Variants in MSTO1 observed in about 807,000 individuals in gnomAD.
The protein encoded by MSTO1 is misato mitochondrial distribution and morphology regulator 1, also known as protein misato homolog 1.
MSTO1 carries 24 observed loss-of-function variants against 55.7 expected under a neutral mutation model. That is an observed-to-expected ratio of 0.43 (90% confidence interval 0.31 to 0.61). The LOEUF (loss-of-function observed/expected upper bound fraction) is 0.61, where lower values mean the gene tolerates loss of function less well. Among genes scored for constraint, MSTO1 ranks in the 20% least tolerant of loss-of-function variants. The pLI is 0.09. For synonymous variants in MSTO1, 162 were observed against 252.8 expected, an observed-to-expected ratio of 0.64 and a Z score of 3.41; for missense variants, 363 against 625.7, an observed-to-expected ratio of 0.58 and a Z score of 4.48.
At chr1:155,603,567 G>T in the MSTO1 span, among the ~76,000 whole-genome samples, 10 of 151,906 alleles carry the variant, frequency 6.6e-5, no homozygotes, top group African/African-American at 2.4e-4. Context: ...TTTTAAAGAT[G>T]AAGTCCCAGA....
At chr1:155,609,942 C>A (rs577181363), upstream of MSTO1, 32 of 434,762 alleles carry the variant, frequency 7.4e-5, 1 homozygote, top group Admixed American at 1.2e-3. Context: ...GAGCCTTCCA[C>A]GGCCCGCGCC....
At chr1:155,577,770 G>A in the MSTO1 span, among the ~76,000 whole-genome samples, 2 of 152,088 alleles carry the variant, frequency 1.3e-5, no homozygotes, top group African/African-American at 4.8e-5. Flanking sequence ...TTAAGACAGG[G>A]TCTCACTGTG....
chr1:155,578,809 C>T, the MSTO1 span, among the ~76,000 whole-genome samples: 2 of 150,306 alleles, frequency 1.3e-5, no homozygotes, highest in African/African-American at 4.9e-5. Flanking sequence ...CGCGCCCGGC[C>T]CTGTGTGGTT....
At chr1:155,573,753 G>A in the MSTO1 span, among the ~76,000 whole-genome samples, 1 of 150,694 alleles carries the variant, frequency 6.6e-6, no homozygotes, top group Non-Finnish European at 1.5e-5. Context: ...CAGGAGACTT[G>A]CTTGAAACCA....
chr1:155,571,248 C>T, the MSTO1 span, among the ~76,000 whole-genome samples: 10 of 152,246 alleles, frequency 6.6e-5, no homozygotes, highest in South Asian at 4.1e-4. Flanking sequence ...CAACCCAGGA[C>T]GGCTTTGAAT....
At chr1:155,610,015 A>G (rs1673474492), upstream of MSTO1, 4 of 549,486 alleles carry the variant, frequency 7.3e-6, no homozygotes, top group Non-Finnish European at 1.3e-5. Context: ...AGCAGGAGCA[A>G]CGGCGTGGCC....
chr1:155,578,830 T>G, the MSTO1 span, among the ~76,000 whole-genome samples: 150 of 144,790 alleles, frequency 1.0e-3, no homozygotes, highest in African/African-American at 3.6e-3. Flanking sequence ...TTTTTTTTGT[T>G]TTTTTTTTTT....
chr1:155,591,126 C>T, the MSTO1 span: 5 of 1,613,544 alleles, frequency 3.1e-6, no homozygotes, highest in South Asian at 1.1e-5. Context: ...GGCCCTCCCA[C>T]ACCACCTGGC....
the MSTO1 span, among the ~76,000 whole-genome samples, chr1:155,577,391 C>G: frequency 2.0e-5 from 3 of 152,066 alleles, no homozygotes; most frequent in Non-Finnish European, 4.4e-5. Flanking sequence ...CCCGGCCGCC[C>G]CCTCCAAGTT....
In MSTO1 at chr1:155,613,652, C is replaced by T; in HGVS notation, c.1389-5C>T. ...GCACTTAATGGCTGTTCTCTGCCCC[C>T]ACAGTTCTTCCCATCTGCTGCTGAC... On this transcript the variant is annotated splice_polypyrimidine_tract_variant and splice_region_variant and intron_variant, in intron 12 of 13. Coordinates refer to ENST00000245564, the MANE Select transcript of MSTO1 (RefSeq NM_018116.4). The T allele has an allele frequency of 6.3e-7, 1 of 1,588,052 alleles. No homozygotes were observed. Among genetic ancestry groups the T allele is most frequent in the Non-Finnish European group, 8.6e-7 (1 of 1,159,758 alleles).
At chr1:155,580,295 GCAGGACGATCCCTTGTGCC>G in the MSTO1 span, among the ~76,000 whole-genome samples, 2 of 151,522 alleles carry the variant, frequency 1.3e-5, no homozygotes, top group African/African-American at 4.8e-5. Flanking sequence ...GGAGATGGAG[GCAGGACGATCCCTTGTGCC>G]CAGGAGTTTG....
the MSTO1 span, among the ~76,000 whole-genome samples, chr1:155,597,445 G>A: frequency 1.3e-5 from 2 of 151,954 alleles, no homozygotes; most frequent in Non-Finnish European, 2.9e-5. Context: ...CTCCAGCCTG[G>A]GCAACAAGAG....
upstream of MSTO1, among the ~76,000 whole-genome samples, chr1:155,609,155 A>C (rs915199684): frequency 1.3e-4 from 20 of 148,412 alleles, no homozygotes; most frequent in African/African-American, 4.0e-4. Flanking sequence ...ACACACAAGA[A>C]TGTTAATCAT....
the MSTO1 span, chr1:155,563,476 G>T: frequency 2.2e-6 from 1 of 456,668 alleles, no homozygotes; most frequent in Non-Finnish European, 4.4e-6. Context: ...CCTGGGACCC[G>T]AGGAAGATCG....
At chr1:155,578,336 C>CTTCTTTTTTTT in the MSTO1 span, among the ~76,000 whole-genome samples, 1 of 44,282 alleles carries the variant, frequency 2.3e-5, no homozygotes, top group Non-Finnish European at 3.6e-5. Flanking sequence ...AACTACCTTT[C>CTTCTTTTTTTT]TTTTTTTTTT....
In MSTO1 at chr1:155,612,075, A is replaced by T. The variant is rs748305427; in HGVS notation, c.653A>T (p.Tyr218Phe). ...QEELEDRLHF[Y>F]VEECDYLQGF... ...GAGCTGGAGGACAGGCTGCATTTCTACGTGGAGGAATGTGACTACTTGCAG... is the reference window on the plus strand; with the variant it reads ...GAGCTGGAGGACAGGCTGCATTTCTTCGTGGAGGAATGTGACTACTTGCAG... The change falls in exon 7 of 14, where the codon TAC (tyrosine) becomes TTC (phenylalanine). Residue 218 changes from tyrosine to phenylalanine, a missense_variant. This residue lies in a region of MSTO1 where 94 missense variants were observed against 212.4 expected (regional missense o/e 0.44). Coordinates refer to ENST00000245564, the MANE Select transcript of MSTO1 (RefSeq NM_018116.4). 1.8e-5 allele frequency: 29 copies of T among 1,609,720 alleles called. No homozygotes were observed. Among genetic ancestry groups the T allele is most frequent in the African/African-American group, 2.7e-5 (2 of 74,110 alleles).
At chr1:155,583,073 G>A in the MSTO1 span, among the ~76,000 whole-genome samples, 1 of 151,378 alleles carries the variant, frequency 6.6e-6, no homozygotes, top group Non-Finnish European at 1.5e-5. Flanking sequence ...GTGTGGCCAC[G>A]TTGCCGAGGC....
the MSTO1 span, among the ~76,000 whole-genome samples, chr1:155,576,654 A>C: frequency 1.3e-5 from 2 of 150,970 alleles, no homozygotes; most frequent in Non-Finnish European, 2.9e-5. Context: ...TGTGCTTTTG[A>C]TGTTATATCT....
At chr1:155,591,378 G>A in the MSTO1 span, 1 of 764,804 alleles carries the variant, frequency 1.3e-6, no homozygotes, top group South Asian at 1.8e-5. Flanking sequence ...TGCTGTTTCA[G>A]AAACTGCAGG....
Sources: allele counts gnomAD v4.1 joint callset (sites outside exome capture counted in the v4.1 genomes callset), GRCh38; gene constraint gnomAD v4.1.1; regional missense constraint gnomAD v4.1.1; transcripts MANE v1.5; gene names NCBI Gene and HGNC (gene_info 2026-07-23, HGNC 2026-07-21).